The following LRRC4C variants were observed in gnomAD, a reference collection of about 807,000 sequenced individuals.
LRRC4C encodes leucine rich repeat containing 4C, also known as leucine-rich repeat-containing protein 4C.
Under a neutral mutation model 33.6 loss-of-function variants are expected in LRRC4C, and 5 were observed. The ratio of observed to expected loss-of-function variants is 0.15; its 90% CI spans 0.08 to 0.31. LRRC4C has a LOEUF of 0.31. LRRC4C is among the 10% of genes least tolerant of loss of function. The pLI, the probability that LRRC4C is intolerant of heterozygous loss-of-function variation, is 1.00. For missense variants in LRRC4C, 560 were observed against 796.7 expected, an observed-to-expected ratio of 0.70 and a Z score of 3.58; for synonymous variants, 329 against 302.0, an observed-to-expected ratio of 1.09 and a Z score of -0.93.
chr11:40,673,044 A>G (rs529607708), intron 2 of LRRC4C, among the ~76,000 whole-genome samples: 1 of 152,132 alleles, frequency 6.6e-6, no homozygotes, highest in African/African-American at 2.4e-5. Context: ...GAAAAAAAAA[A>G]ACAGTTAAGT....
chr11:40,979,266 G>A (rs1261138450), intron 1 of LRRC4C, among the ~76,000 whole-genome samples: 1 of 152,106 alleles, frequency 6.6e-6, no homozygotes, highest in Non-Finnish European at 1.5e-5. Context: ...TTGGATGTAT[G>A]TCATATCTGT....
intron 2 of LRRC4C, among the ~76,000 whole-genome samples, chr11:40,658,070 C>T (rs930709833): frequency 6.6e-6 from 1 of 152,156 alleles, no homozygotes; most frequent in Admixed American, 6.5e-5. Context: ...TCAATATTTT[C>T]TAAGAAGCAA....
chr11:40,936,222 A>G (rs1375845243), intron 1 of LRRC4C, among the ~76,000 whole-genome samples: 1 of 149,692 alleles, frequency 6.7e-6, no homozygotes, highest in Non-Finnish European at 1.5e-5. Context: ...CACCATAGTA[A>G]GTTTTATTAA....
intron 1 of LRRC4C, among the ~76,000 whole-genome samples, chr11:41,312,911 G>T (rs908300331): frequency 3.3e-5 from 5 of 152,176 alleles, no homozygotes; most frequent in Non-Finnish European, 5.9e-5. Flanking sequence ...CCATCAATGA[G>T]TGTCCACATG....
chr11:40,152,731 A>C (rs888975253), intron 5 of LRRC4C, among the ~76,000 whole-genome samples: 2 of 152,166 alleles, frequency 1.3e-5, no homozygotes, highest in African/African-American at 4.8e-5. Flanking sequence ...TCCTAGGTAC[A>C]CAACTCCAGT....
intron 1 of LRRC4C, among the ~76,000 whole-genome samples, chr11:41,146,451 G>T (rs1158053437): frequency 6.6e-6 from 1 of 152,128 alleles, no homozygotes. Flanking sequence ...TTTTAACAAG[G>T]TGTCTGCTAC....
chr11:40,209,234 G>A (rs765005507), intron 5 of LRRC4C, among the ~76,000 whole-genome samples: 9 of 152,084 alleles, frequency 5.9e-5, no homozygotes, highest in East Asian at 1.9e-4. Context: ...CACAACAGCC[G>A]TGTTTCTACT....
intron 1 of LRRC4C, among the ~76,000 whole-genome samples, chr11:41,073,178 C>T (rs1938840225): frequency 6.6e-6 from 1 of 152,032 alleles, no homozygotes; most frequent in Non-Finnish European, 1.5e-5. Flanking sequence ...AAAAACAGTT[C>T]ATTTGGTTCA....
chr11:41,406,200 A>G (rs1329274222), intron 1 of LRRC4C, among the ~76,000 whole-genome samples: 2 of 152,184 alleles, frequency 1.3e-5, no homozygotes, highest in Non-Finnish European at 2.9e-5. Flanking sequence ...GAAGATGCAA[A>G]TACCAAAGGA....
At chr11:40,372,002 A>C (rs1948470771) in intron 3 of LRRC4C, among the ~76,000 whole-genome samples, 1 of 152,222 alleles carries the variant, frequency 6.6e-6, no homozygotes, top group Admixed American at 6.5e-5. Flanking sequence ...ATATATTCAA[A>C]GAACTATGAT....
At chr11:40,265,478 A>G (rs1942180984) in intron 4 of LRRC4C, among the ~76,000 whole-genome samples, 1 of 152,216 alleles carries the variant, frequency 6.6e-6, no homozygotes, top group Non-Finnish European at 1.5e-5. Context: ...TAAATATTCC[A>G]TTATCTCTTT....
intron 1 of LRRC4C, among the ~76,000 whole-genome samples, chr11:41,399,450 A>G (rs1478112910): frequency 2.6e-5 from 4 of 151,876 alleles, no homozygotes; most frequent in African/African-American, 9.7e-5. Context: ...TTACAGTACA[A>G]AGGATCAAAG....
intron 1 of LRRC4C, among the ~76,000 whole-genome samples, chr11:41,247,808 C>A (rs1250306694): frequency 6.7e-6 from 1 of 148,760 alleles, no homozygotes; most frequent in Admixed American, 6.7e-5. Flanking sequence ...CTTTGCTGTG[C>A]AGAATTATGA....
At chr11:41,455,362 C>T (rs1404594947) in intron 1 of LRRC4C, among the ~76,000 whole-genome samples, 1 of 151,946 alleles carries the variant, frequency 6.6e-6, no homozygotes, top group African/African-American at 2.4e-5. Flanking sequence ...AAAATGAGTT[C>T]AGGTCATTAT....
chr11:40,812,551 T>C (rs1042272222), intron 2 of LRRC4C, among the ~76,000 whole-genome samples: 1 of 152,202 alleles, frequency 6.6e-6, no homozygotes, highest in African/African-American at 2.4e-5. Context: ...TCCAAAAGCC[T>C]GCCCTGGAGC....
intron 3 of LRRC4C, among the ~76,000 whole-genome samples, chr11:40,373,712 G>A (rs1430131544): frequency 6.6e-6 from 1 of 152,020 alleles, no homozygotes; most frequent in South Asian, 2.1e-4. Context: ...GTGAGTTCTC[G>A]CTCAGTTAGG....
At chr11:41,196,785 A>G (rs1039608718) in intron 1 of LRRC4C, among the ~76,000 whole-genome samples, 2 of 151,986 alleles carry the variant, frequency 1.3e-5, no homozygotes, top group Non-Finnish European at 2.9e-5. Flanking sequence ...CTCCAAAATT[A>G]CTGAAGTTTT....
chr11:41,005,330 G>C (rs1245967462), intron 1 of LRRC4C, among the ~76,000 whole-genome samples: 4 of 152,116 alleles, frequency 2.6e-5, no homozygotes, highest in Admixed American at 2.6e-4. Context: ...CTGGCTGGGC[G>C]TGATGGCTCA....
At chr11:40,791,233 T>C (rs1950610724) in intron 2 of LRRC4C, among the ~76,000 whole-genome samples, 1 of 152,206 alleles carries the variant, frequency 6.6e-6, no homozygotes, top group Admixed American at 6.5e-5. Context: ...ATGGGGCCTA[T>C]GAAAGCATTG....
Sources: gnomAD v4.1 joint callset for allele counts (sites outside exome capture counted in the v4.1 genomes callset) on GRCh38, gnomAD v4.1.1 for gene constraint, MANE v1.5 for transcripts, NCBI Gene and HGNC (gene_info 2026-07-23, HGNC 2026-07-21) for gene names.